CCNH: variants seen among roughly 807,000 people sequenced by gnomAD.
The protein encoded by CCNH is cyclin H.
Under a neutral mutation model 41.9 loss-of-function variants are expected in CCNH, and 31 were observed. The observed-to-expected ratio is 0.74, with a 90% CI of 0.56 to 1.00. CCNH has a LOEUF of 1.00. Ranked by LOEUF, CCNH falls within the 50% of genes least tolerant of loss-of-function variation. The probability of loss-of-function intolerance (pLI) is 0.00; values close to 1 mark genes in which losing one functional copy is unlikely to be tolerated. For synonymous variants in CCNH, 138 were observed against 136.1 expected (o/e 1.01, Z -0.10); for missense variants, 362 against 388.4 (o/e 0.93, Z 0.57).
At chr5:87,332,723 T>C (rs1456084784) in intron 9 of CCNH, 21 of 1,344,508 alleles carry the variant, frequency 1.6e-5, no homozygotes, top group Admixed American at 2.1e-5. Context: ...CAGTTTCTTA[T>C]GTTTATTATA....
At chr5:87,334,606 C>T (rs1221910101) in intron 9 of CCNH, among the ~76,000 whole-genome samples, 6 of 152,140 alleles carry the variant, frequency 3.9e-5, no homozygotes, top group Admixed American at 2.0e-4. Flanking sequence ...AATGATGGTA[C>T]AAAAGCAATG....
downstream of CCNH, chr5:87,394,267 T>G (rs1224913611): frequency 7.6e-7 from 1 of 1,314,936 alleles, no homozygotes; most frequent in African/African-American, 1.5e-5. Flanking sequence ...ACAGGTGCTA[T>G]TCTAGCTCTT....
chr5:87,397,330 T>C (rs1763047979), intron 7 of CCNH, among the ~76,000 whole-genome samples: 2 of 152,226 alleles, frequency 1.3e-5, no homozygotes, highest in South Asian at 2.1e-4. Context: ...CAGCTGATTA[T>C]TGTATTTTTA....
rs560153412 is a variant in CCNH at position 87,352,613 on chromosome 5, C to CT, written c.*91-33717dup. On this transcript the variant is annotated intron_variant and NMD_transcript_variant, in intron 9 of 9. Coordinates refer to the CCNH transcript ENST00000645953. ...TAGCACTTTTAATCAAAATAATAAGCTTTTCTCCCTATAGTGATAATCCTA... is the reference window on the plus strand; with the variant it reads ...TAGCACTTTTAATCAAAATAATAAGCTTTTTCTCCCTATAGTGATAATCCTA... Among the ~76,000 whole-genome samples, 461 of 151,774 alleles carry CT rather than the reference C, an allele frequency of 3.0e-3. 3 individuals carry two copies. Among genetic ancestry groups the CT allele is most frequent in the African/African-American group, 0.011 (446 of 41,462 alleles).
At position 87,328,071 on chromosome 5, in the gene CCNH, A is replaced by G. The variant is rs545969223; in HGVS notation, c.*91-9174T>C. ...ATGGTGGTTTAACTAGATGACTTAT[A>G]AAGTATTTTTCAACATTGTTTTATG... On this transcript the variant is annotated intron_variant and NMD_transcript_variant, in intron 9 of 9. Coordinates refer to the CCNH transcript ENST00000645953. Among the ~76,000 whole-genome samples, 14 of 152,300 alleles carry G rather than the reference A, an allele frequency of 9.2e-5. No homozygotes were observed. In the South Asian group the frequency reaches 2.5e-3, roughly 27 times the overall value.
At chr5:87,359,054 A>G (rs1343041849) in intron 9 of CCNH, among the ~76,000 whole-genome samples, 2 of 152,088 alleles carry the variant, frequency 1.3e-5, no homozygotes, top group African/African-American at 4.8e-5. Context: ...TTTATTTTTA[A>G]TCTTTCCCTG....
intron 9 of CCNH, among the ~76,000 whole-genome samples, chr5:87,345,720 A>T (rs1758812257): frequency 6.6e-6 from 1 of 152,142 alleles, no homozygotes; most frequent in Admixed American, 6.6e-5. Flanking sequence ...AAACAATGTG[A>T]ATGACCTCTG....
At chr5:87,356,232 A>G (rs1481700889) in intron 9 of CCNH, among the ~76,000 whole-genome samples, 1 of 152,284 alleles carries the variant, frequency 6.6e-6, no homozygotes, top group Admixed American at 6.5e-5. Context: ...AGAAGAGTCA[A>G]TTGATGCAGC....
intron 9 of CCNH, among the ~76,000 whole-genome samples, chr5:87,338,482 C>T (rs931183850): frequency 6.9e-5 from 9 of 130,546 alleles, no homozygotes; most frequent in Non-Finnish European, 1.6e-5. Context: ...CAGACATGTG[C>T]CACCATGCCC....
chr5:87,369,730 T>C (rs1580370477), intron 9 of CCNH: 1 of 849,440 alleles, frequency 1.2e-6, no homozygotes, highest in East Asian at 2.7e-5. Flanking sequence ...GTTAATTATT[T>C]ATTGTGAGTG....
chr5:87,354,358 A>G (rs550678268), intron 9 of CCNH, among the ~76,000 whole-genome samples: 41 of 152,212 alleles, frequency 2.7e-4, no homozygotes, highest in Non-Finnish European at 5.1e-4. Context: ...TCTTAGTGTC[A>G]CATTTTGGTA....
downstream of CCNH, among the ~76,000 whole-genome samples, chr5:87,313,686 A>G (rs956308072): frequency 6.6e-6 from 1 of 152,202 alleles, no homozygotes; most frequent in Admixed American, 6.5e-5. Flanking sequence ...TATATTACAG[A>G]TAAGATAAAA....
At chr5:87,379,786 C>T (rs1341342574), upstream of CCNH, 3 of 1,612,762 alleles carry the variant, frequency 1.9e-6, no homozygotes, top group East Asian at 2.2e-5. Flanking sequence ...TAATTTAACA[C>T]ACCTATTGAA....
At chr5:87,394,933 A>C in intron 8 of CCNH, 111 bp downstream of exon 8, 1 of 1,553,508 alleles carries the variant, frequency 6.4e-7, no homozygotes, top group Non-Finnish European at 8.6e-7. Flanking sequence ...AAAATGAAAA[A>C]ACCCACAACT....
At chr5:87,317,773 T>C (rs1459876537), downstream of CCNH, among the ~76,000 whole-genome samples, 1 of 151,964 alleles carries the variant, frequency 6.6e-6, no homozygotes, top group Non-Finnish European at 1.5e-5. Context: ...GTAGCTGTGA[T>C]TACAGGCGCA....
intron 9 of CCNH, chr5:87,331,585 A>C: frequency 7.0e-7 from 1 of 1,423,542 alleles, no homozygotes; most frequent in Non-Finnish European, 9.8e-7. Context: ...ATAAAGGTGA[A>C]TGACTCAGTA....
At chr5:87,386,446 T>C (rs190949589) in intron 9 of CCNH, among the ~76,000 whole-genome samples, 20 of 152,200 alleles carry the variant, frequency 1.3e-4, no homozygotes, top group Admixed American at 5.9e-4. Context: ...CTCTGCTGGA[T>C]TCAAACCTAT....
At chr5:87,351,903 A>T (rs1759307232) in intron 9 of CCNH, among the ~76,000 whole-genome samples, 1 of 151,754 alleles carries the variant, frequency 6.6e-6, no homozygotes, top group Non-Finnish European at 1.5e-5. Context: ...CAGTGGATTG[A>T]TTGTATTTTA....
chr5:87,387,492 C>T (rs1251465516), downstream of CCNH, among the ~76,000 whole-genome samples: 1 of 152,070 alleles, frequency 6.6e-6, no homozygotes, highest in Non-Finnish European at 1.5e-5. Flanking sequence ...CATGATTGAA[C>T]AGATTTTCAG....
Sources: gnomAD v4.1 joint callset for allele counts (sites outside exome capture counted in the v4.1 genomes callset) on GRCh38, gnomAD v4.1.1 for gene constraint, MANE v1.5 for transcripts, NCBI Gene and HGNC (gene_info 2026-07-23, HGNC 2026-07-21) for gene names.